Variants in KIRREL3 observed in about 807,000 individuals in gnomAD.
KIRREL3 encodes kirre like nephrin family adhesion molecule 3, also known as kin of IRRE-like protein 3.
A neutral mutation model predicts 89.7 loss-of-function variants in KIRREL3; 36 were observed. That is an observed-to-expected ratio of 0.40 (90% CI 0.31 to 0.53). The LOEUF is 0.53. Ranked by LOEUF, KIRREL3 falls within the 20% of genes least tolerant of loss-of-function variation. The pLI, the probability that KIRREL3 is intolerant of heterozygous loss-of-function variation, is 0.49. For missense variants in KIRREL3, 864 were observed against 1,056.6 expected (o/e 0.82, Z 2.53); for synonymous variants, 445 against 441.4 (o/e 1.01, Z -0.10).
chr11:126,640,486 T>C lies in KIRREL3; in HGVS notation c.56-77574A>G, dbSNP rs1204431345. The stretch of plus-strand genomic sequence containing the variant: ...CAATCTGTTCCCTGCATACATTACA[T>C]GCATAGATCTGAGAGAAGAATTTGG... On this transcript the variant is annotated intron_variant, in intron 1 of 16. Transcript: ENST00000525144. This position sits in a 1 kb window ranked among gnomAD's most constrained non-coding sequence, Gnocchi z 4.9. Among the ~76,000 whole-genome samples the C allele has an allele frequency of 5.3e-5, 8 of 152,218 alleles. No individual in the cohort carries two copies. The South Asian group carries it at 1.2e-3, about 24-fold the overall frequency.
In KIRREL3 at chr11:126,564,598, G is replaced by A. The variant is rs141644914; in HGVS notation, c.56-1686C>T. Among the ~76,000 whole-genome samples the A allele has an allele frequency of 5.3e-4, 80 of 152,250 alleles. No homozygotes were observed. Among genetic ancestry groups the A allele is most frequent in the Middle Eastern group, 3.4e-3 (1 of 294 alleles). On this transcript the variant is annotated intron_variant, in intron 1 of 16. Coordinates refer to ENST00000525144, the MANE Select transcript of KIRREL3 (RefSeq NM_032531.4). The surrounding 1 kb of genome is among the most constrained non-coding windows in gnomAD (Gnocchi z 7.4). ...TAGCCAAACCGCCCTCACTTCAAAC[G>A]GTCTTACATCTCAGGCACCCAAATT...
Position 126,551,369 on chromosome 11 carries a change from GT to G in KIRREL3, c.133+11465del, listed in dbSNP as rs1939248369. On this transcript the variant is annotated intron_variant, in intron 2 of 16. Coordinates refer to ENST00000525144, the MANE Select transcript of KIRREL3 (RefSeq NM_032531.4). This position sits in a 1 kb window ranked among gnomAD's most constrained non-coding sequence, Gnocchi z 4.9. ...GAAAGGAGGGCCGGAGAGAGATCCT[GT>G]TTCCCGAGGCCTGCCCCTGAGGCCT... Among the ~76,000 whole-genome samples the G allele has an allele frequency of 1.3e-5, 2 of 152,132 alleles. No individual in the cohort carries two copies. Among genetic ancestry groups the G allele is most frequent in the African/African-American group, 4.8e-5 (2 of 41,432 alleles).
In KIRREL3 at chr11:126,685,024, A is replaced by C. The variant is rs1946614810; in HGVS notation, c.56-122112T>G. On this transcript the variant is annotated intron_variant, in intron 1 of 16. Coordinates refer to ENST00000525144, the MANE Select transcript of KIRREL3 (RefSeq NM_032531.4). The surrounding 1 kb of genome is among the most constrained non-coding windows in gnomAD (Gnocchi z 5.5). ...TCCTCTTCTCCTCCTCTAATATGGA[A>C]GGAACGTTAGACACACATTCCTGTA... Among the ~76,000 whole-genome samples the C allele has an allele frequency of 6.6e-6, 1 of 152,062 alleles. No individual in the cohort carries two copies. Among genetic ancestry groups the C allele is most frequent in the Non-Finnish European group, 1.5e-5 (1 of 68,028 alleles).
intron 1 of KIRREL3, among the ~76,000 whole-genome samples, chr11:126,964,233 C>T (rs1949193189): frequency 1.3e-5 from 2 of 152,124 alleles, no homozygotes; most frequent in South Asian, 4.1e-4. Context: ...TAGACTATTC[C>T]AGCCATATTC....
At chr11:126,439,804 C>T (rs527468280) in intron 11 of KIRREL3, among the ~76,000 whole-genome samples, 51 of 151,356 alleles carry the variant, frequency 3.4e-4, no homozygotes, top group South Asian at 1.7e-3. Context: ...GGTGATAGAG[C>T]GAGACTCCAT....
chr11:126,885,141 G>A (rs922041370), intron 1 of KIRREL3, among the ~76,000 whole-genome samples: 45 of 152,070 alleles, frequency 3.0e-4, no homozygotes, highest in African/African-American at 1.0e-3. Flanking sequence ...GATGGCCATG[G>A]GTACTATATT....
At chr11:126,658,552 T>A (rs930298976) in intron 1 of KIRREL3, among the ~76,000 whole-genome samples, 3 of 152,262 alleles carry the variant, frequency 2.0e-5, no homozygotes, top group Non-Finnish European at 4.4e-5. Context: ...AAGTATCTGA[T>A]TAAACAACAT....
At chr11:126,801,112 G>T (rs1403858099) in intron 1 of KIRREL3, among the ~76,000 whole-genome samples, 1 of 152,146 alleles carries the variant, frequency 6.6e-6, no homozygotes, top group East Asian at 1.9e-4. Flanking sequence ...GCTTGAAAAA[G>T]ATGTAGATTT....
chr11:126,603,560 C>T (rs1295439285), intron 1 of KIRREL3, among the ~76,000 whole-genome samples: 4 of 152,266 alleles, frequency 2.6e-5, no homozygotes, highest in Admixed American at 1.3e-4. Flanking sequence ...ACCTCCTGAC[C>T]CTGTCTCTGC....
chr11:126,772,456 G>A lies in KIRREL3; in HGVS notation c.56-209544C>T, dbSNP rs1037136885. On this transcript the variant is annotated intron_variant, in intron 1 of 16. Coordinates refer to ENST00000525144, the MANE Select transcript of KIRREL3 (RefSeq NM_032531.4). The surrounding 1 kb of genome is among the most constrained non-coding windows in gnomAD (Gnocchi z 4.6). ...CGTTTGGGAGGAGGATGCTTCAGCC[G>A]CTTGGCTTCTAACAGCTTTTGACAA... is the stretch of plus-strand genomic sequence containing the variant. Among the ~76,000 whole-genome samples, 4 of 152,108 alleles carry A rather than the reference G, an allele frequency of 2.6e-5. No homozygotes were observed. Among genetic ancestry groups the A allele is most frequent in the African/African-American group, 7.2e-5 (3 of 41,428 alleles).
intron 2 of KIRREL3, among the ~76,000 whole-genome samples, chr11:126,546,787 CT>C (rs1032283461): frequency 6.6e-6 from 1 of 150,574 alleles, no homozygotes; most frequent in East Asian, 1.9e-4. Flanking sequence ...GTGCTTTATA[CT>C]TTTTTTCAAA....
rs567753054 is a variant in KIRREL3 at position 126,441,511 on chromosome 11, G to A, written c.1253-962C>T. ...TCCTGGCTGGGCTGGGTGGTTGAAG[G>A]ATGGGAGTAGGGACGGAAACTGTCA... On this transcript the variant is annotated intron_variant, in intron 10 of 16. Coordinates refer to ENST00000525144, the MANE Select transcript of KIRREL3 (RefSeq NM_032531.4). The surrounding 1 kb of genome is among the most constrained non-coding windows in gnomAD (Gnocchi z 5.0). Among the ~76,000 whole-genome samples, 3 of 152,362 alleles carry A rather than the reference G, an allele frequency of 2.0e-5. No individual in the cohort carries two copies. The highest frequency in any genetic ancestry group is 2.9e-5 in the Non-Finnish European group (2 of 68,032).
rs1958796131 is a variant in KIRREL3, at chr11:126,527,382, G to C, written c.134-695C>G. 6.6e-6 allele frequency among the ~76,000 whole-genome samples: 1 copy of C among 152,090 alleles called. No individual in the cohort carries two copies. Among genetic ancestry groups the C allele is most frequent in the Non-Finnish European group, 1.5e-5 (1 of 68,012 alleles). On this transcript the variant is annotated intron_variant, in intron 2 of 16. Transcript: ENST00000525144. This position sits in a 1 kb window ranked among gnomAD's most constrained non-coding sequence, Gnocchi z 4.2. Reference sequence around the variant, plus strand: ...CACCATGCCTCCTCAAAACGAGATGGCCAGAATCATCGAAGAGAGTCAGTT... The same window carrying C: ...CACCATGCCTCCTCAAAACGAGATGCCCAGAATCATCGAAGAGAGTCAGTT...
At position 126,708,866 on chromosome 11, in the gene KIRREL3, T is replaced by C. The variant is rs118058658; in HGVS notation, c.56-145954A>G. On this transcript the variant is annotated intron_variant, in intron 1 of 16. Transcript: ENST00000525144. This position sits in a 1 kb window ranked among gnomAD's most constrained non-coding sequence, Gnocchi z 5.7. ...ATCAGCTGTGATCTCTCCCTTCCTT[T>C]TTCATTCTCCTCTCCTCATATCCAA... Among the ~76,000 whole-genome samples the C allele has an allele frequency of 1.4e-4, 22 of 152,344 alleles. No homozygotes were observed. In the East Asian group the frequency reaches 4.2e-3, roughly 29 times the overall value.
At chr11:126,806,748 T>C (rs1951215885) in intron 1 of KIRREL3, among the ~76,000 whole-genome samples, 1 of 152,182 alleles carries the variant, frequency 6.6e-6, no homozygotes, top group Non-Finnish European at 1.5e-5. Context: ...ACATGTGCCA[T>C]GGTGGTTTGC....
intron 11 of KIRREL3, chr11:126,440,126 G>A (rs988146782): frequency 3.2e-4 from 177 of 557,816 alleles, no homozygotes; most frequent in Admixed American, 3.6e-4. Context: ...TGGAGCCCAG[G>A]AAGAGAAGAA....
rs1343987508 is a variant in KIRREL3 at position 126,891,417 on chromosome 11, G to A, written c.55+109038C>T. On this transcript the variant is annotated intron_variant, in intron 1 of 16. Coordinates refer to ENST00000525144, the MANE Select transcript of KIRREL3 (RefSeq NM_032531.4). This position sits in a 1 kb window ranked among gnomAD's most constrained non-coding sequence, Gnocchi z 5.1. ...ATCTTCAGCTATTGTAAAGGGCAAG[G>A]AGCTGGAAGGAAAGGCAGAAGAGGA... 6.6e-6 allele frequency among the ~76,000 whole-genome samples: 1 copy of A among 152,192 alleles called. No individual in the cohort carries two copies.
chr11:126,514,453 C>A (rs1282890141), intron 4 of KIRREL3, among the ~76,000 whole-genome samples: 12 of 152,118 alleles, frequency 7.9e-5, no homozygotes, highest in Non-Finnish European at 1.8e-4. Flanking sequence ...CATGGGAAAG[C>A]TTCTCTAGGA....
rs1451029633 is a variant in KIRREL3 at position 126,614,190 on chromosome 11, G to T, written c.56-51278C>A. Among the ~76,000 whole-genome samples the T allele has an allele frequency of 2.0e-5, 3 of 152,050 alleles. No individual in the cohort carries two copies. The highest frequency in any genetic ancestry group is 7.2e-5 in the African/African-American group (3 of 41,390). On this transcript the variant is annotated intron_variant, in intron 1 of 16. Transcript: ENST00000525144. This position sits in a 1 kb window ranked among gnomAD's most constrained non-coding sequence, Gnocchi z 4.6. ...CATGTGCGCTTTAAGGGTTGGAAAA[G>T]TTCGATCTATTGTCGATTTCTCTAT...
Sources: allele counts gnomAD v4.1 joint callset (sites outside exome capture counted in the v4.1 genomes callset), GRCh38; gene constraint gnomAD v4.1.1; non-coding constraint Gnocchi (gnomAD v3.1); transcripts MANE v1.5; gene names NCBI Gene and HGNC (gene_info 2026-07-23, HGNC 2026-07-21).